CIT: variants seen among roughly 807,000 people sequenced by gnomAD.
CIT encodes the protein citron rho-interacting serine/threonine kinase.
In CIT, 79 loss-of-function variants were observed where a neutral mutation model predicts 272.7. The observed-to-expected ratio is 0.29, with a 90% CI of 0.24 to 0.35. The LOEUF (loss-of-function observed/expected upper bound fraction) is 0.35, where lower values mean the gene tolerates loss of function less well. Ranked by LOEUF, CIT falls within the 10% of genes least tolerant of loss-of-function variation. CIT has a pLI of 1.00. For synonymous variants in CIT, 948 were observed against 995.6 expected (o/e 0.95, Z 0.90); for missense variants, 1,909 against 2,618.3 (o/e 0.73, Z 5.91).
At chr12:119,730,110 G>A (rs1428814591) in intron 27 of CIT, among the ~76,000 whole-genome samples, 1 of 152,154 alleles carries the variant, frequency 6.6e-6, no homozygotes, top group Non-Finnish European at 1.5e-5. Flanking sequence ...TATTACTGCA[G>A]CAATTGGATG....
At chr12:119,873,461 A>C (rs888971992) in intron 2 of CIT, among the ~76,000 whole-genome samples, 2 of 151,698 alleles carry the variant, frequency 1.3e-5, no homozygotes, top group Non-Finnish European at 2.9e-5. Flanking sequence ...TGTTTTTAGT[A>C]GAAACGGAGG....
chr12:119,701,986 T>C (rs776302726), intron 41 of CIT, 28 bp from the exon 42 acceptor site: 1 of 1,567,468 alleles, frequency 6.4e-7, no homozygotes, highest in Non-Finnish European at 8.8e-7. Context: ...AAGAGAAGGA[T>C]GTGAGAGGTA....
chr12:119,857,435 T>C, intron 4 of CIT, 88 bp downstream of exon 4: 1 of 1,359,310 alleles, frequency 7.4e-7, no homozygotes, highest in Non-Finnish European at 1.0e-6. Flanking sequence ...ACGTGCTTGA[T>C]CCTAGACGCC....
chr12:119,868,461 T>G (rs1424143891), intron 3 of CIT, among the ~76,000 whole-genome samples: 1 of 152,156 alleles, frequency 6.6e-6, no homozygotes, highest in African/African-American at 2.4e-5. Flanking sequence ...CCACGGGATA[T>G]TATTGAGGTC....
At chr12:119,716,284 A>G (rs974623835) in intron 32 of CIT, among the ~76,000 whole-genome samples, 1 of 146,382 alleles carries the variant, frequency 6.8e-6, no homozygotes, top group Non-Finnish European at 1.5e-5. Context: ...AAGCTGAGGC[A>G]TGAGAATCGC....
intron 46 of CIT, among the ~76,000 whole-genome samples, chr12:119,693,279 C>G (rs1438856310): frequency 1.3e-5 from 2 of 152,134 alleles, no homozygotes; most frequent in Non-Finnish European, 2.9e-5. Flanking sequence ...CTAAACAGAC[C>G]AGGGCAACGA....
Position 119,735,313 on chromosome 12 carries a change from G to A in CIT, c.3003C>T (p.Asp1001=). 1 of 1,614,152 alleles carries A rather than the reference G, an allele frequency of 6.2e-7. No homozygotes were observed. Among genetic ancestry groups the A allele is most frequent in the South Asian group, 1.1e-5 (1 of 91,072 alleles). Residue 1001 remains aspartate (D), a synonymous_variant, in exon 25 of 48, where the codon GAC becomes GAT. Transcript: ENST00000392521. The stretch of plus-strand genomic sequence containing the variant: ...AGTTTTGGTTGTTGAGTTCAGCGTT[G>A]TCCTCGGTCAGCTGGTTTAGCTGCT... ...LEEQLNQLTE[D]NAELNNQNFY... is the part of the protein sequence containing the mutation.
chr12:119,823,068 C>CTTT (rs369299052), intron 8 of CIT, 95 bp from the exon 9 acceptor site: 84 of 1,307,522 alleles, frequency 6.4e-5, no homozygotes, highest in Non-Finnish European at 8.2e-5. Flanking sequence ...ATGCAAGTTT[C>CTTT]TTTTTTTTTG....
chr12:119,856,451 A>T (rs1051796115), intron 4 of CIT, among the ~76,000 whole-genome samples: 1 of 152,042 alleles, frequency 6.6e-6, no homozygotes. Flanking sequence ...ACAATTTTTT[A>T]AAAAAAGGTT....
rs1289544671 is a variant in CIT, at chr12:119,713,762, GC to G, written c.4307-115del. On this transcript the variant is annotated intron_variant, in intron 33 of 47. Coordinates refer to ENST00000392521, the MANE Select transcript of CIT (RefSeq NM_001206999.2). This position sits in a 1 kb window ranked among gnomAD's most constrained non-coding sequence, Gnocchi z 5.2. ...ACCCCAGCCGGGCCCAGAGAGTCTGGCCCTGGCTTGCAGGTAGTCTCCTGAG... is the reference window on the plus strand; with the variant it reads ...ACCCCAGCCGGGCCCAGAGAGTCTGGCCTGGCTTGCAGGTAGTCTCCTGAG... 5.3e-6 allele frequency: 6 copies of G among 1,136,062 alleles called. No individual in the cohort carries two copies. Among genetic ancestry groups the G allele is most frequent in the African/African-American group, 1.5e-5 (1 of 65,274 alleles). The allele number at this position is 1,136,062 out of a possible 1,614,324, so 70.4% of individuals were successfully genotyped here.
In CIT at chr12:119,697,521, G is replaced by A; in HGVS notation, c.5882+138C>T. The A allele has an allele frequency of 1.1e-6, 1 of 923,646 alleles. No homozygotes were observed. The highest frequency in any genetic ancestry group is 1.6e-6 in the Non-Finnish European group (1 of 607,716). The allele number at this position is 923,646 out of a possible 1,614,324, so 57.2% of individuals were successfully genotyped here. ...TGGTCTGTGTTATTTCAGTGCCGCA[G>A]ATCGCAAACAAATGAATGGTTTGAG... On this transcript the variant is annotated intron_variant, in intron 46 of 47. Coordinates refer to ENST00000392521, the MANE Select transcript of CIT (RefSeq NM_001206999.2). The surrounding 1 kb of genome is among the most constrained non-coding windows in gnomAD (Gnocchi z 4.9).
chr12:119,868,910 G>C, intron 3 of CIT, 150 bp downstream of exon 3: 1 of 866,590 alleles, frequency 1.2e-6, no homozygotes, highest in East Asian at 2.8e-5. Flanking sequence ...CCAGCTATAA[G>C]AGGTGCAGCC....
intron 10 of CIT, among the ~76,000 whole-genome samples, 190 bp downstream of exon 10, chr12:119,803,016 G>A (rs1029672807): frequency 6.6e-6 from 1 of 152,086 alleles, no homozygotes; most frequent in Non-Finnish European, 1.5e-5. Context: ...CTTACACACT[G>A]CAAAATGAGA....
chr12:119,875,799 T>C (rs1025466861), intron 2 of CIT, among the ~76,000 whole-genome samples: 9 of 152,010 alleles, frequency 5.9e-5, no homozygotes, highest in Non-Finnish European at 1.3e-4. Flanking sequence ...CTGGCCAACA[T>C]GGTGAAACCC....
At position 119,713,376 on chromosome 12, in the gene CIT, A is replaced by G; in HGVS notation, c.4488-82T>C. 1 of 1,581,234 alleles carries G rather than the reference A, an allele frequency of 6.3e-7. No homozygotes were observed. Among genetic ancestry groups the G allele is most frequent in the Non-Finnish European group, 8.7e-7 (1 of 1,154,336 alleles). On this transcript the variant is annotated intron_variant, in intron 34 of 47. Transcript: ENST00000392521. This position sits in a 1 kb window ranked among gnomAD's most constrained non-coding sequence, Gnocchi z 5.2. ...GGAGGATAGGATGAGGGGGTGGCAG[A>G]GTTCCTAGAAAAGACACTTCCCTAG... is the stretch of plus-strand genomic sequence containing the variant.
intron 2 of CIT, among the ~76,000 whole-genome samples, chr12:119,869,823 C>T (rs1286799965): frequency 6.6e-6 from 1 of 152,170 alleles, no homozygotes; most frequent in Non-Finnish European, 1.5e-5. Context: ...AAAATGGAGT[C>T]TCTGGCTTCT....
Position 119,718,758 on chromosome 12 carries a change from G to A in CIT, c.3944C>T (p.Ala1315Val). ...CTTCTGAAGGGCTTCCTCTAGCTCT[G>A]CACAGCGAGCTTTCTCCTTCTCCAG... Reference protein sequence around the residue: ...LALEKEKARCAELEEALQKTR... With the variant: ...LALEKEKARCVELEEALQKTR... The change falls in exon 31 of 48, where the codon GCA becomes GTA. Residue 1315 changes from alanine (A) to valine (V), a missense_variant. Physicochemically the swap from Ala to Val is moderately conservative, Grantham distance 64 (BLOSUM62 0). Transcript: ENST00000392521. This position sits in a 1 kb window ranked among gnomAD's most constrained non-coding sequence, Gnocchi z 4.8. 6.2e-7 allele frequency: 1 copy of A among 1,614,150 alleles called. No homozygotes were observed. Among genetic ancestry groups the A allele is most frequent in the Non-Finnish European group, 8.5e-7 (1 of 1,180,028 alleles).
rs371354755 is a variant in CIT, at chr12:119,775,842, A to G, written c.1888-3T>C. 2 of 1,611,716 alleles carry G rather than the reference A, an allele frequency of 1.2e-6. No homozygotes were observed. The highest frequency in any genetic ancestry group is 2.7e-5 in the African/African-American group (2 of 74,800). ...TTGAGCTGCTGCTCAGCATTGATCTATAATTAAAATCCCAGGAAATAAAGC... is the reference window on the plus strand; with the variant it reads ...TTGAGCTGCTGCTCAGCATTGATCTGTAATTAAAATCCCAGGAAATAAAGC... On this transcript the variant is annotated splice_region_variant and splice_polypyrimidine_tract_variant and intron_variant, in intron 15 of 47. Transcript: ENST00000392521.
chr12:119,839,763 T>C (rs901340162), intron 5 of CIT, among the ~76,000 whole-genome samples: 1 of 152,062 alleles, frequency 6.6e-6, no homozygotes, highest in Non-Finnish European at 1.5e-5. Context: ...GGGAAGGGGC[T>C]ATTTACAAAG....
Sources: gnomAD v4.1 joint callset for allele counts (sites outside exome capture counted in the v4.1 genomes callset) on GRCh38, gnomAD v4.1.1 for gene constraint, Gnocchi (gnomAD v3.1) non-coding constraint, MANE v1.5 for transcripts, NCBI Gene and HGNC (gene_info 2026-07-23, HGNC 2026-07-21) for gene names.